ARID1B: variants seen among roughly 807,000 people sequenced by gnomAD.
ARID1B encodes the protein AT-rich interaction domain 1B.
A neutral mutation model predicts 212.3 loss-of-function variants in ARID1B; 30 were observed. The ratio of observed to expected loss-of-function variants is 0.14; its 90% CI spans 0.11 to 0.19. The LOEUF (loss-of-function observed/expected upper bound fraction) is 0.19, where lower values mean the gene tolerates loss of function less well. Among genes scored for constraint, ARID1B ranks in the 10% least tolerant of loss-of-function variants. The probability of loss-of-function intolerance (pLI) is 1.00; values close to 1 mark genes in which losing one functional copy is unlikely to be tolerated. For synonymous variants in ARID1B, 1,402 were observed against 1,301.7 expected, an observed-to-expected ratio of 1.08 and a Z score of -1.66; for missense variants, 2,891 against 3,204.0, an observed-to-expected ratio of 0.90 and a Z score of 2.36.
In ARID1B at chr6:156,820,804, G is replaced by A. The variant is rs368639609; in HGVS notation, c.1792-8423G>A. Among the ~76,000 whole-genome samples the A allele has an allele frequency of 3.3e-4, 51 of 152,350 alleles. No individual in the cohort carries two copies. In the South Asian group the frequency reaches 9.5e-3, roughly 28 times the overall value. Reference sequence around the variant, plus strand: ...AGATGTAGGAATTTGAAGTGGTCAAGAGGTGGTCACCTAAAGGCAAATATG... The same window carrying A: ...AGATGTAGGAATTTGAAGTGGTCAAAAGGTGGTCACCTAAAGGCAAATATG... On this transcript the variant is annotated intron_variant, in intron 1 of 19. Transcript: ENST00000636930.
At chr6:156,928,142 C>T (rs1363933530) in intron 3 of ARID1B, among the ~76,000 whole-genome samples, 1 of 152,164 alleles carries the variant, frequency 6.6e-6, no homozygotes, top group Non-Finnish European at 1.5e-5. Context: ...CTGGGGCCGG[C>T]CCTGTAGAAG....
chr6:157,072,737 C>T (rs951574988), intron 4 of ARID1B, among the ~76,000 whole-genome samples: 1 of 152,178 alleles, frequency 6.6e-6, no homozygotes, highest in African/African-American at 2.4e-5. Flanking sequence ...AAAATAATCA[C>T]TAACATATAT....
chr6:157,147,229 CTCCGACCCTGCCGTCCGT>C (rs1583400626), intron 7 of ARID1B, among the ~76,000 whole-genome samples: 3 of 27,566 alleles, frequency 1.1e-4, no homozygotes, highest in South Asian at 1.4e-3. Flanking sequence ...CGTCCCTCAC[CTCCGACCCTGCCGTCCGT>C]CCCCCACCCC....
At chr6:156,801,244 A>G (rs1026611616) in intron 1 of ARID1B, among the ~76,000 whole-genome samples, 2 of 126,758 alleles carry the variant, frequency 1.6e-5, no homozygotes, top group Admixed American at 2.0e-4. Flanking sequence ...TCTGTTGCCC[A>G]CTCTGGAGTG....
intron 4 of ARID1B, among the ~76,000 whole-genome samples, chr6:156,984,553 A>C (rs903761190): frequency 6.6e-5 from 10 of 152,176 alleles, no homozygotes; most frequent in Non-Finnish European, 7.3e-5. Context: ...AAGTAAAGTG[A>C]GGAACACAGG....
intron 4 of ARID1B, among the ~76,000 whole-genome samples, chr6:156,995,382 C>A (rs1051956449): frequency 6.6e-6 from 1 of 152,186 alleles, no homozygotes; most frequent in Non-Finnish European, 1.5e-5. Context: ...GACTTAGGAA[C>A]CTGCTGATTA....
chr6:157,169,670 A>T (rs1472505128), intron 9 of ARID1B: 1 of 152,234 alleles, frequency 6.6e-6, no homozygotes, highest in African/African-American at 2.4e-5. Flanking sequence ...TGAATTTTAT[A>T]ATATTCATTA....
intron 2 of ARID1B, among the ~76,000 whole-genome samples, chr6:156,841,371 T>C (rs1221275423): frequency 6.6e-6 from 1 of 152,164 alleles, no homozygotes; most frequent in African/African-American, 2.4e-5. Flanking sequence ...AAATTTAGGT[T>C]GAATTCTTAA....
chr6:157,132,398 G>A (rs1788612076), intron 6 of ARID1B, among the ~76,000 whole-genome samples: 1 of 152,234 alleles, frequency 6.6e-6, no homozygotes, highest in Non-Finnish European at 1.5e-5. Context: ...TTCTGCTGGG[G>A]CGCAGCAGAA....
intron 2 of ARID1B, chr6:156,870,046 CT>C (rs1011701219): frequency 1.3e-5 from 2 of 152,314 alleles, no homozygotes; most frequent in African/African-American, 4.8e-5. Context: ...AGTTGAGAGG[CT>C]GTTCTCTGCC....
chr6:156,840,600 G>A (rs1044651333), intron 2 of ARID1B, among the ~76,000 whole-genome samples: 2 of 152,234 alleles, frequency 1.3e-5, no homozygotes, highest in Non-Finnish European at 2.9e-5. Context: ...TTCGCTCCGA[G>A]ATTAGGCTCA....
intron 4 of ARID1B, among the ~76,000 whole-genome samples, chr6:156,990,333 G>A (rs945305657): frequency 6.6e-6 from 1 of 151,726 alleles, no homozygotes. Flanking sequence ...CCACCACACC[G>A]GGCTAATTTT....
intron 2 of ARID1B, among the ~76,000 whole-genome samples, chr6:156,888,314 A>G (rs979163126): frequency 1.3e-5 from 2 of 152,218 alleles, no homozygotes; most frequent in African/African-American, 2.4e-5. Context: ...TCTGTTTTAC[A>G]CTGTAGTAAA....
In ARID1B at chr6:157,190,385, G is replaced by A. The variant is rs1793275713; in HGVS notation, c.4231+175G>A. On this transcript the variant is annotated intron_variant, in intron 15 of 19. Transcript: ENST00000636930. The surrounding 1 kb of genome is among the most constrained non-coding windows in gnomAD (Gnocchi z 4.6). ...CTTGGGAAAAGCAGTTAGCCTCTTTGTGCCCTCATCCTGTCCCCGGCTGGC... is the reference window on the plus strand; with the variant it reads ...CTTGGGAAAAGCAGTTAGCCTCTTTATGCCCTCATCCTGTCCCCGGCTGGC... Among the ~76,000 whole-genome samples the A allele has an allele frequency of 1.3e-5, 2 of 152,330 alleles. No homozygotes were observed. Among genetic ancestry groups the A allele is most frequent in the East Asian group, 1.9e-4 (1 of 5,192 alleles).
At chr6:157,025,229 A>G (rs1780584785) in intron 4 of ARID1B, among the ~76,000 whole-genome samples, 1 of 152,242 alleles carries the variant, frequency 6.6e-6, no homozygotes, top group Non-Finnish European at 1.5e-5. Context: ...ACACTTTCTC[A>G]GAACAAAAAG....
At chr6:156,892,700 C>A (rs901128913) in intron 2 of ARID1B, among the ~76,000 whole-genome samples, 4 of 152,200 alleles carry the variant, frequency 2.6e-5, no homozygotes. Context: ...GGCCCCATAT[C>A]CCACAATCAT....
At chr6:156,947,483 A>G (rs1793240017) in intron 4 of ARID1B, among the ~76,000 whole-genome samples, 1 of 151,934 alleles carries the variant, frequency 6.6e-6, no homozygotes, top group African/African-American at 2.4e-5. Flanking sequence ...GGTGCAGGGA[A>G]CCTTGCTTTA....
At chr6:157,020,465 T>G (rs1780158807) in intron 4 of ARID1B, among the ~76,000 whole-genome samples, 1 of 151,842 alleles carries the variant, frequency 6.6e-6, no homozygotes. Context: ...ATGAAATTAA[T>G]TTTTTTTAAT....
chr6:156,852,460 T>TAA (rs576507419), intron 2 of ARID1B, among the ~76,000 whole-genome samples: 30 of 143,676 alleles, frequency 2.1e-4, no homozygotes, highest in African/African-American at 3.9e-4. Context: ...CCCTGTCTCT[T>TAA]AAAAAAAAAA....
Sources: gnomAD v4.1 joint callset for allele counts (sites outside exome capture counted in the v4.1 genomes callset) on GRCh38, gnomAD v4.1.1 for gene constraint, Gnocchi (gnomAD v3.1) non-coding constraint, MANE v1.5 for transcripts, NCBI Gene and HGNC (gene_info 2026-07-23, HGNC 2026-07-21) for gene names.